Variants in TGM7 observed in about 807,000 individuals in gnomAD.
The protein encoded by TGM7 is protein-glutamine gamma-glutamyltransferase Z.
TGM7 carries 74 observed loss-of-function variants against 79.5 expected under a neutral mutation model. That is an observed-to-expected ratio of 0.93 (90% CI 0.77 to 1.13). The LOEUF is 1.13. Among genes scored for constraint, TGM7 ranks in the 50% most tolerant of loss-of-function variants. The pLI, the probability that TGM7 is intolerant of heterozygous loss-of-function variation, is 0.00. For missense variants in TGM7, 912 were observed against 905.9 expected (o/e 1.01, Z -0.09); for synonymous variants, 354 against 362.5 (o/e 0.98, Z 0.27).
intron 7 of TGM7, among the ~76,000 whole-genome samples, chr15:43,283,072 G>A (rs1348617924): frequency 6.6e-6 from 1 of 152,034 alleles, no homozygotes; most frequent in Non-Finnish European, 1.5e-5. Flanking sequence ...AAAAAGAGTA[G>A]TACAAAGAAC....
At chr15:43,291,587 C>A (rs1039511941) in intron 4 of TGM7, among the ~76,000 whole-genome samples, 1 of 152,194 alleles carries the variant, frequency 6.6e-6, no homozygotes, top group Non-Finnish European at 1.5e-5. Flanking sequence ...GAAAACTATT[C>A]TCAGCTCATG....
intron 9 of TGM7, 61 bp downstream of exon 9, chr15:43,281,783 C>A: frequency 1.3e-6 from 2 of 1,590,074 alleles, no homozygotes; most frequent in East Asian, 2.2e-5. Flanking sequence ...GGAGCCATCC[C>A]AGCTAGGAAG....
At chr15:43,299,268 G>C (rs1024893868) in intron 1 of TGM7, among the ~76,000 whole-genome samples, 1 of 152,130 alleles carries the variant, frequency 6.6e-6, no homozygotes, top group African/African-American at 2.4e-5. Flanking sequence ...TTCGACTGTG[G>C]CATTTAGCCT....
In TGM7 at chr15:43,291,241, A is replaced by G. The variant is rs148471612; in HGVS notation, c.558+738T>C. Among the ~76,000 whole-genome samples, 408 of 152,356 alleles carry G rather than the reference A, an allele frequency of 2.7e-3. 9 individuals are homozygous for G. In the East Asian group the frequency reaches 0.056, roughly 21 times the overall value. On this transcript the variant is annotated intron_variant, in intron 4 of 12. Transcript: ENST00000452443. ...TTATTATTTTGAGATATGTCCCATC[A>G]ATACCTAATTTATTGAGAGTTTTTA...
chr15:43,284,932 G>C lies in TGM7; in HGVS notation c.886C>G (p.Pro296Ala). ...MCTVMRCLGV[P>A]TRVVSNFRSA... ...CGGAAATTGGAAACAACACGGGTTG[G>C]AACACCTAAGCATCTCATTACTAAA... is the stretch of plus-strand genomic sequence containing the variant. The change falls in exon 7 of 13, where the codon CCA becomes GCA. Residue 296 changes from proline (P) to alanine (A), a missense_variant. Pro to Ala is a conservative substitution (Grantham distance 27). Transcript: ENST00000452443. 1 of 1,614,142 alleles carries C rather than the reference G, an allele frequency of 6.2e-7. No individual in the cohort carries two copies. Among genetic ancestry groups the C allele is most frequent in the Non-Finnish European group, 8.5e-7 (1 of 1,180,018 alleles).
intron 11 of TGM7, among the ~76,000 whole-genome samples, chr15:43,278,161 T>C (rs913967256): frequency 3.3e-5 from 5 of 152,238 alleles, no homozygotes; most frequent in Admixed American, 1.3e-4. Flanking sequence ...CAGTTCTCTA[T>C]TGGGGTGGGG....
intron 7 of TGM7, among the ~76,000 whole-genome samples, chr15:43,282,835 G>T (rs955898625): frequency 6.6e-6 from 1 of 152,190 alleles, no homozygotes; most frequent in African/African-American, 2.4e-5. Context: ...CGGATCACGA[G>T]GTCAGGAGAT....
At chr15:43,286,876 G>C (rs1428531102) in intron 6 of TGM7, among the ~76,000 whole-genome samples, 1 of 152,188 alleles carries the variant, frequency 6.6e-6, no homozygotes, top group Non-Finnish European at 1.5e-5. Flanking sequence ...TGAAGCATTT[G>C]GGGGCTGCTA....
At chr15:43,284,221 C>T (rs2042923580) in intron 7 of TGM7, among the ~76,000 whole-genome samples, 1 of 151,956 alleles carries the variant, frequency 6.6e-6, no homozygotes, top group South Asian at 2.1e-4. Context: ...ACCAACACAG[C>T]GAGTCTTATC....
intron 9 of TGM7, among the ~76,000 whole-genome samples, chr15:43,281,500 C>T (rs930983673): frequency 5.3e-5 from 8 of 152,240 alleles, no homozygotes; most frequent in Admixed American, 5.2e-4. Flanking sequence ...CTATTTGGAA[C>T]ATACTTATAT....
At chr15:43,285,584 G>A (rs960561455) in intron 6 of TGM7, among the ~76,000 whole-genome samples, 3 of 152,126 alleles carry the variant, frequency 2.0e-5, no homozygotes, top group African/African-American at 7.2e-5. Flanking sequence ...TGAAATTTGG[G>A]ATCTGTAATT....
At chr15:43,296,265 G>A (rs746723867) in intron 1 of TGM7, among the ~76,000 whole-genome samples, 7 of 151,816 alleles carry the variant, frequency 4.6e-5, no homozygotes, top group South Asian at 2.1e-4. Context: ...CTCTACTAAA[G>A]ATACAAAAAA....
rs1453416023 is a variant in TGM7 at position 43,276,375 on chromosome 15, G to A, written c.*80C>T. On this transcript the variant is annotated 3_prime_UTR_variant, in exon 13 of 13. Transcript: ENST00000452443. ...GGCAGGCTAGAGAGAGGACAGAGGT[G>A]GAGCCAAGACGACATAGCCAGGAGT... The A allele has an allele frequency of 6.6e-7, 1 of 1,505,766 alleles. No individual in the cohort carries two copies. The highest frequency in any genetic ancestry group is 9.0e-7 in the Non-Finnish European group (1 of 1,116,246). The allele number at this position is 1,505,766 out of a possible 1,614,324, so 93.3% of individuals were successfully genotyped here.
intron 9 of TGM7, among the ~76,000 whole-genome samples, chr15:43,280,641 C>T (rs1334570332): frequency 6.6e-6 from 1 of 152,030 alleles, no homozygotes; most frequent in Non-Finnish European, 1.5e-5. Flanking sequence ...AACAAAAGAG[C>T]TTCATCTCTT....
chr15:43,279,971 G>A lies in TGM7; in HGVS notation c.1352-20C>T. On this transcript the variant is annotated intron_variant, in intron 9 of 12. Transcript: ENST00000452443. The stretch of plus-strand genomic sequence containing the variant: ...GGGATCCTGCAGAAGGGAGAGGTAG[G>A]AGAGACATGCATGGGGAGGGGTGGA... The A allele has an allele frequency of 6.2e-7, 1 of 1,606,348 alleles. No homozygotes were observed. The highest frequency in any genetic ancestry group is 8.5e-7 in the Non-Finnish European group (1 of 1,175,116).
chr15:43,287,645 A>T lies in TGM7; in HGVS notation c.583T>A (p.Cys195Ser). Residue 195 changes from cysteine to serine, a missense_variant, in exon 5 of 13, where the codon TGC (cysteine) becomes AGC (serine). Physicochemically the swap from Cys to Ser is moderately radical, Grantham distance 112. Coordinates refer to ENST00000452443, the MANE Select transcript of TGM7 (RefSeq NM_052955.3). Reference sequence around the variant, plus strand: ...AGGCTCTTGTTCAGGATCTCAAAGCAGATGTCTATGATGTCCTCTTCAAAC... The same window carrying T: ...AGGCTCTTGTTCAGGATCTCAAAGCTGATGTCTATGATGTCCTCTTCAAAC... ...GQFEEDIIDI[C>S]FEILNKSLYH... 1 of 1,613,956 alleles carries T rather than the reference A, an allele frequency of 6.2e-7. No individual in the cohort carries two copies. The highest frequency in any genetic ancestry group is 8.5e-7 in the Non-Finnish European group (1 of 1,179,960).
chr15:43,299,572 T>A (rs1195156444), intron 1 of TGM7, among the ~76,000 whole-genome samples: 1 of 152,186 alleles, frequency 6.6e-6, no homozygotes, highest in African/African-American at 2.4e-5. Context: ...GTGGTGAGGT[T>A]GGCACGCTCT....
chr15:43,287,150 G>C, intron 6 of TGM7, 130 bp downstream of exon 6: 3 of 1,034,586 alleles, frequency 2.9e-6, no homozygotes, highest in Non-Finnish European at 4.3e-6. Flanking sequence ...TGGTGTGCTA[G>C]CTCAGGGCCT....
At chr15:43,277,168 T>C (rs1038894204) in intron 11 of TGM7, among the ~76,000 whole-genome samples, 173 bp from the exon 12 acceptor site, 2 of 151,856 alleles carry the variant, frequency 1.3e-5, no homozygotes, top group Non-Finnish European at 2.9e-5. Flanking sequence ...TTAACACATA[T>C]ACAGGCCTGC....
Sources: allele counts gnomAD v4.1 joint callset (sites outside exome capture counted in the v4.1 genomes callset), GRCh38; gene constraint gnomAD v4.1.1; transcripts MANE v1.5; gene names NCBI Gene and HGNC (gene_info 2026-07-23, HGNC 2026-07-21).